Variants in RYR1 observed in about 807,000 individuals in gnomAD.
RYR1 encodes central core disease of muscle.
In RYR1, 342 loss-of-function variants were observed where a neutral mutation model predicts 583.5. The observed-to-expected ratio is 0.59, with a 90% CI of 0.54 to 0.64. The LOEUF (loss-of-function observed/expected upper bound fraction) is 0.64, where lower values mean the gene tolerates loss of function less well. Ranked by LOEUF, RYR1 falls within the 30% of genes least tolerant of loss-of-function variation. The pLI is 0.00. For missense variants in RYR1, 6,032 were observed against 6,917.2 expected (o/e 0.87, Z 4.54); for synonymous variants, 2,791 against 2,822.5 (o/e 0.99, Z 0.35).
At chr19:38,446,662 A>G in intron 8 of RYR1, 32 bp from the exon 9 acceptor site, 4 of 1,610,292 alleles carry the variant, frequency 2.5e-6, no homozygotes, top group Non-Finnish European at 3.4e-6. Context: ...GGGGAGCTGA[A>G]CCCTTGACTT....
chr19:38,502,627 G>C lies in RYR1; in HGVS notation c.7735G>C (p.Val2579Leu), dbSNP rs1438735341. The C allele has an allele frequency of 1.2e-6, 2 of 1,613,022 alleles. No individual in the cohort carries two copies. The highest frequency in any genetic ancestry group is 1.7e-6 in the Non-Finnish European group (2 of 1,179,918). ...GGGCACAGAACACCGCGCCATCATG[G>C]TGGACTCTATGCTGCATACCGTGTA... is the stretch of plus-strand genomic sequence containing the variant. ...FAGTEHRAIMVDSMLHTVYRL... is the reference protein window; with the variant it reads ...FAGTEHRAIMLDSMLHTVYRL... The change falls in exon 48 of 106, where the codon GTG becomes CTG. Residue 2579 changes from valine to leucine, a missense_variant. Coordinates refer to ENST00000359596, the MANE Select transcript of RYR1 (RefSeq NM_000540.3).
At chr19:38,467,169 C>T (rs73046904) in intron 24 of RYR1, among the ~76,000 whole-genome samples, 1,923 of 152,266 alleles carry the variant, frequency 0.013, 26 homozygotes, top group South Asian at 0.04. Flanking sequence ...TGACCCCAAA[C>T]CCTGGCCATG....
chr19:38,474,711 A>T (rs1968624617), intron 28 of RYR1, among the ~76,000 whole-genome samples: 1 of 149,634 alleles, frequency 6.7e-6, no homozygotes, highest in Non-Finnish European at 1.5e-5. Context: ...AGTATCTGGG[A>T]CTACAGGTGT....
chr19:38,501,296 G>A (rs1970107563), intron 47 of RYR1, among the ~76,000 whole-genome samples: 1 of 152,130 alleles, frequency 6.6e-6, no homozygotes, highest in South Asian at 2.1e-4. Flanking sequence ...TCAGGAGTTC[G>A]AGACCAGCCT....
chr19:38,460,043 C>T lies in RYR1; in HGVS notation c.2361-332C>T, dbSNP rs148122959. On this transcript the variant is annotated intron_variant, in intron 19 of 105. Coordinates refer to ENST00000359596, the MANE Select transcript of RYR1 (RefSeq NM_000540.3). ...CTCAAATGACCTTCTTATTGGTCTC[C>T]CCAACCTTCCAATGACCCCGAATGC... 6.0e-3 allele frequency among the ~76,000 whole-genome samples: 913 copies of T among 152,216 alleles called. 10 individuals carry two copies. Among genetic ancestry groups the T allele is most frequent in the African/African-American group, 0.019 (806 of 41,536 alleles).
intron 20 of RYR1, 129 bp from the exon 21 acceptor site, chr19:38,463,294 G>GCTGCTGGA: frequency 1.3e-6 from 1 of 741,070 alleles, no homozygotes; most frequent in Non-Finnish European, 2.4e-6. Flanking sequence ...GGGGAGCAGG[G>GCTGCTGGA]CTGCTGGATG....
intron 101 of RYR1, 27 bp downstream of exon 101, chr19:38,580,531 A>G: frequency 6.2e-7 from 1 of 1,613,452 alleles, no homozygotes; most frequent in Non-Finnish European, 8.5e-7. Context: ...GCACTCTGGG[A>G]CCCTTCCTTC....
intron 34 of RYR1, among the ~76,000 whole-genome samples, chr19:38,488,370 C>T (rs987722350): frequency 6.6e-6 from 1 of 152,056 alleles, no homozygotes; most frequent in Non-Finnish European, 1.5e-5. Context: ...AAACCTCTAC[C>T]ATTCCGACTC....
chr19:38,574,069 TC>T (rs1973846781), intron 96 of RYR1, among the ~76,000 whole-genome samples: 1 of 151,558 alleles, frequency 6.6e-6, no homozygotes, highest in Non-Finnish European at 1.5e-5. Flanking sequence ...TGAAACCCCA[TC>T]TCTACTAAAA....
chr19:38,510,839 G>C, intron 60 of RYR1, 58 bp downstream of exon 60: 1 of 1,610,476 alleles, frequency 6.2e-7, no homozygotes, highest in South Asian at 1.1e-5. Context: ...GTAATCCTTT[G>C]CCCATGGAGG....
At chr19:38,475,241 T>C in intron 28 of RYR1, 77 bp from the exon 29 acceptor site, 1 of 1,541,190 alleles carries the variant, frequency 6.5e-7, no homozygotes, top group Non-Finnish European at 8.8e-7. Flanking sequence ...CCAAGCTGGA[T>C]GTGGGGGCAT....
Position 38,473,360 on chromosome 19 carries a change from A to C in RYR1, c.3766-17A>C, listed in dbSNP as rs372552672. On this transcript the variant is annotated splice_polypyrimidine_tract_variant and intron_variant, in intron 27 of 105. Coordinates refer to ENST00000359596, the MANE Select transcript of RYR1 (RefSeq NM_000540.3). ...GCCCGCCTGCCCAGCCCAGTACTCCATTCCCTGCCACCTCAGGTATCCCGA... is the reference window on the plus strand; with the variant it reads ...GCCCGCCTGCCCAGCCCAGTACTCCCTTCCCTGCCACCTCAGGTATCCCGA... 1.2e-6 allele frequency: 2 copies of C among 1,613,478 alleles called. No homozygotes were observed. Among genetic ancestry groups the C allele is most frequent in the African/African-American group, 1.3e-5 (1 of 74,876 alleles).
chr19:38,505,386 CT>C lies in RYR1; in HGVS notation c.8392del (p.Ser2798GlnfsTer16). 1 of 1,609,442 alleles carries C rather than the reference CT, an allele frequency of 6.2e-7. No individual in the cohort carries two copies. The highest frequency in any genetic ancestry group is 8.5e-7 in the Non-Finnish European group (1 of 1,177,374). ...ACCCCATGCTGAGGCCCTACAAGAC[CT>C]TTTCAGAGAAGGTGACCAGGCCTTG... The part of the protein sequence containing the change: ...THPMLRPYKT[F>X]SEKDKEIYRW... On this transcript the variant is annotated frameshift_variant, in exon 53 of 106. Coordinates refer to ENST00000359596, the MANE Select transcript of RYR1 (RefSeq NM_000540.3). LOFTEE classifies it high-confidence loss of function.
chr19:38,534,885 G>C, intron 79 of RYR1, 66 bp downstream of exon 79: 1 of 1,525,368 alleles, frequency 6.6e-7, no homozygotes, highest in Non-Finnish European at 8.9e-7. Context: ...CTCCTGGCTC[G>C]CCCATTCCCT....
At position 38,570,009 on chromosome 19, in the gene RYR1, C is replaced by CA. The variant is rs1275451529; in HGVS notation, c.13660-593dup. Among the ~76,000 whole-genome samples the CA allele has an allele frequency of 3.3e-5, 5 of 152,198 alleles. No homozygotes were observed. The East Asian group carries it at 9.6e-4, about 29-fold the overall frequency. ...TGAGACCCCGTCTCTACTGAAAATA[C>CA]AAAAACTAACTGAGTGTGGTGGTGC... On this transcript the variant is annotated intron_variant, in intron 93 of 105. Transcript: ENST00000359596.
intron 88 of RYR1, 108 bp downstream of exon 88, chr19:38,546,634 G>A (rs1242343969): frequency 9.2e-6 from 8 of 867,436 alleles, no homozygotes; most frequent in South Asian, 4.1e-5. Flanking sequence ...ATCTGACATC[G>A]TGTCAGGATC....
intron 1 of RYR1, among the ~76,000 whole-genome samples, chr19:38,439,694 G>A (rs932867292): frequency 6.6e-6 from 1 of 151,810 alleles, no homozygotes; most frequent in South Asian, 2.1e-4. Flanking sequence ...TTTTAGTAGA[G>A]ATGGGGTTTC....
At chr19:38,535,260 G>T (rs1971915909) in intron 80 of RYR1, 40 bp downstream of exon 80, 1 of 1,613,456 alleles carries the variant, frequency 6.2e-7, no homozygotes, top group Non-Finnish European at 8.5e-7. Context: ...GGCAAGGAGG[G>T]ATGAGAGGTT....
Position 38,527,025 on chromosome 19 carries a change from G to C in RYR1, c.10659G>C (p.Leu3553=), listed in dbSNP as rs1971496089. The change falls in exon 72 of 106, where the codon CTG becomes CTC. Residue 3553 remains leucine, a synonymous_variant. Transcript: ENST00000359596. ...KDTDEEVREF[L]HNNLHLQGKV... ...CAGATGAGGAGGTCCGGGAATTTCT[G>C]CACAACAACCTTCACCTTCAGGGAA... is the stretch of plus-strand genomic sequence containing the variant. 1 of 1,614,008 alleles carries C rather than the reference G, an allele frequency of 6.2e-7. No homozygotes were observed. Among genetic ancestry groups the C allele is most frequent in the African/African-American group, 1.3e-5 (1 of 75,042 alleles).
Sources: gnomAD v4.1 joint callset for allele counts (sites outside exome capture counted in the v4.1 genomes callset) on GRCh38, gnomAD v4.1.1 for gene constraint, MANE v1.5 for transcripts, NCBI Gene and HGNC (gene_info 2026-07-23, HGNC 2026-07-21) for gene names.